Variants in IFT140 observed in about 807,000 individuals in gnomAD.
The protein encoded by IFT140 is intraflagellar transport 140.
In IFT140, 133 loss-of-function variants were observed where a neutral mutation model predicts 164.6. The observed-to-expected ratio is 0.81, with a 90% CI of 0.70 to 0.93. IFT140 has a LOEUF of 0.93. Ranked by LOEUF, IFT140 falls within the 40% of genes least tolerant of loss-of-function variation. IFT140 has a pLI of 0.00. For missense variants in IFT140, 2,045 were observed against 1,972.3 expected, an observed-to-expected ratio of 1.04 and a Z score of -0.70; for synonymous variants, 860 against 817.3, an observed-to-expected ratio of 1.05 and a Z score of -0.89.
intron 2 of IFT140, among the ~76,000 whole-genome samples, chr16:1,609,611 G>T (rs563707826): frequency 1.6e-4 from 25 of 152,354 alleles, no homozygotes; most frequent in Admixed American, 1.2e-3. Flanking sequence ...TTAGCAAGGA[G>T]AGAGATTCTT....
intron 23 of IFT140, 36 bp from the exon 24 acceptor site, chr16:1,524,731 G>T (rs1417309745): frequency 6.3e-7 from 1 of 1,583,062 alleles, no homozygotes; most frequent in Admixed American, 1.7e-5. Flanking sequence ...GAGACACGGT[G>T]GCCTTGTGTC....
Position 1,545,504 on chromosome 16 carries a change from T to C in IFT140, c.2399+12431A>G, listed in dbSNP as rs573507953. Among the ~76,000 whole-genome samples, 15 of 152,110 alleles carry C rather than the reference T, an allele frequency of 9.9e-5. No homozygotes were observed. The South Asian group carries it at 2.7e-3, about 27-fold the overall frequency. The stretch of plus-strand genomic sequence containing the variant: ...CCTTTCTTCTATCATGTTGCTAATT[T>C]TAGAGTCGGGTTTTTTTTCCTGTAC... On this transcript the variant is annotated intron_variant, in intron 19 of 30. Transcript: ENST00000426508.
intron 4 of IFT140, among the ~76,000 whole-genome samples, chr16:1,596,191 A>AC (rs779441151): frequency 1.8e-4 from 24 of 136,448 alleles, no homozygotes; most frequent in Admixed American, 2.9e-4. Flanking sequence ...AAAATGAATG[A>AC]CCCCCCCATC....
intron 30 of IFT140, among the ~76,000 whole-genome samples, chr16:1,513,952 C>T (rs1389062015): frequency 2.7e-5 from 4 of 150,506 alleles, no homozygotes; most frequent in African/African-American, 7.3e-5. Flanking sequence ...GGATTACAGG[C>T]GTGAGCCACT....
At chr16:1,598,531 A>T (rs1164448656) in intron 4 of IFT140, among the ~76,000 whole-genome samples, 1 of 152,226 alleles carries the variant, frequency 6.6e-6, no homozygotes, top group Non-Finnish European at 1.5e-5. Context: ...CATAAATGAA[A>T]ATTCTAAGAA....
At chr16:1,523,436 C>A in intron 26 of IFT140, 82 bp downstream of exon 26, 1 of 1,448,816 alleles carries the variant, frequency 6.9e-7, no homozygotes, top group Non-Finnish European at 9.4e-7. Context: ...AAGCAAGCAG[C>A]CATTCCCACA....
At chr16:1,608,618 T>C (rs1479462521) in intron 2 of IFT140, among the ~76,000 whole-genome samples, 1 of 91,642 alleles carries the variant, frequency 1.1e-5, no homozygotes, top group Non-Finnish European at 2.0e-5. Context: ...GGCAACAGAA[T>C]AGGACTCCGC....
rs777613696 is a variant in IFT140, at chr16:1,566,171, C to G, written c.1891G>C (p.Glu631Gln). ...RRETLSFNEQ[E>Q]TNKSHLFVDE... is the part of the protein sequence containing the mutation. ...GAACCACAATCTTACTTATTAGTCTCTTGCTCATTAAAGGACAGCGTCTCT... is the reference window on the plus strand; with the variant it reads ...GAACCACAATCTTACTTATTAGTCTGTTGCTCATTAAAGGACAGCGTCTCT... Residue 631 changes from glutamate (E) to glutamine (Q), a missense_variant, in exon 16 of 31, where the codon GAG (glutamate) becomes CAG (glutamine). Transcript: ENST00000426508. 1 of 1,613,562 alleles carries G rather than the reference C, an allele frequency of 6.2e-7. No individual in the cohort carries two copies. The highest frequency in any genetic ancestry group is 8.5e-7 in the Non-Finnish European group (1 of 1,179,612).
Position 1,592,472 on chromosome 16 carries a change from A to G in IFT140, c.486T>C (p.Pro162=), listed in dbSNP as rs1223559389. 6.2e-7 allele frequency: 1 copy of G among 1,614,154 alleles called. No homozygotes were observed. The highest frequency in any genetic ancestry group is 1.7e-5 in the Admixed American group (1 of 60,022). Reference sequence around the variant, plus strand: ...AGGGCAAGCCCCACACTTACTCGCCAGGAGGGGGGAGCCGGAAGATGCAGT... The same window carrying G: ...AGGGCAAGCCCCACACTTACTCGCCGGGAGGGGGGAGCCGGAAGATGCAGT... ...LTHCIFRLPP[P]GEDLVQLAKA... The change falls in exon 5 of 31, where the codon CCT becomes CCC. Residue 162 remains proline, a synonymous_variant. Transcript: ENST00000426508.
rs967834921 is a variant in IFT140, at chr16:1,595,137, T to G, written c.370-2549A>C. 2.6e-5 allele frequency among the ~76,000 whole-genome samples: 4 copies of G among 151,712 alleles called. No individual in the cohort carries two copies. In the East Asian group the frequency reaches 7.8e-4, roughly 30 times the overall value. On this transcript the variant is annotated intron_variant, in intron 4 of 30. Coordinates refer to ENST00000426508, the MANE Select transcript of IFT140 (RefSeq NM_014714.4). ...TGTCTCTACTAAAAATACAAAAGAT[T>G]AGCCGGGCGTGGCGGCGGGCGCCTG... is the stretch of plus-strand genomic sequence containing the variant.
intron 26 of IFT140, among the ~76,000 whole-genome samples, chr16:1,522,904 G>A (rs555197171): frequency 1.3e-4 from 20 of 152,116 alleles, no homozygotes; most frequent in African/African-American, 4.6e-4. Context: ...TTATATTTGG[G>A]AACCACCCAT....
chr16:1,601,589 G>C (rs866290878), intron 4 of IFT140, among the ~76,000 whole-genome samples: 1 of 152,158 alleles, frequency 6.6e-6, no homozygotes, highest in Non-Finnish European at 1.5e-5. Flanking sequence ...TGGGAACAGC[G>C]GGCGAATCGA....
chr16:1,570,156 C>T (rs954521554), intron 14 of IFT140, among the ~76,000 whole-genome samples: 1 of 152,188 alleles, frequency 6.6e-6, no homozygotes, highest in Non-Finnish European at 1.5e-5. Context: ...GTCAGCATCT[C>T]TCCAAGGATC....
intron 19 of IFT140, chr16:1,534,669 C>T (rs1420228109): frequency 1.4e-6 from 2 of 1,473,122 alleles, no homozygotes; most frequent in Non-Finnish European, 1.9e-6. Context: ...CTGCTCTGCC[C>T]TGAGCGTGGC....
At chr16:1,557,911 C>A in intron 19 of IFT140, 24 bp downstream of exon 19, 1 of 1,608,652 alleles carries the variant, frequency 6.2e-7, no homozygotes, top group Middle Eastern at 2.0e-4. Flanking sequence ...TATCTCCCAA[C>A]ATCCCAGTGG....
intron 13 of IFT140, among the ~76,000 whole-genome samples, chr16:1,578,630 C>T (rs979014878): frequency 1.3e-5 from 2 of 151,804 alleles, no homozygotes; most frequent in Admixed American, 1.3e-4. Context: ...GCCTGTAATC[C>T]CAGCACTTTG....
At chr16:1,538,605 C>G (rs1365593501) in intron 19 of IFT140, among the ~76,000 whole-genome samples, 1 of 152,178 alleles carries the variant, frequency 6.6e-6, no homozygotes, top group Non-Finnish European at 1.5e-5. Context: ...TGACCTTCTG[C>G]GTGATGTTTT....
rs2034975488 is a variant in IFT140 at position 1,587,937 on chromosome 16, G to A, written c.898C>T (p.Leu300Phe). Residue 300 changes from leucine to phenylalanine, a missense_variant, in exon 8 of 31, where the codon CTC (leucine) becomes TTC (phenylalanine). Transcript: ENST00000426508. The stretch of plus-strand genomic sequence containing the variant: ...ACTGGAAAGGCAGACTCTCACCTGA[G>A]GGCAGCCTCCCCGACGGCCATCACG... ...LLVMAVGEAA[L>F]RFWDIERGEN... 6.2e-7 allele frequency: 1 copy of A among 1,610,152 alleles called. No homozygotes were observed. The highest frequency in any genetic ancestry group is 8.5e-7 in the Non-Finnish European group (1 of 1,178,106).
intron 19 of IFT140, among the ~76,000 whole-genome samples, chr16:1,544,146 T>TA (rs1190459639): frequency 6.7e-6 from 1 of 150,126 alleles, no homozygotes; most frequent in East Asian, 2.0e-4. Context: ...GCCTCCCGTG[T>TA]AGGTGGGATT....
Sources: allele counts gnomAD v4.1 joint callset (sites outside exome capture counted in the v4.1 genomes callset), GRCh38; gene constraint gnomAD v4.1.1; transcripts MANE v1.5; gene names NCBI Gene and HGNC (gene_info 2026-07-23, HGNC 2026-07-21).